LDAH: variants seen among roughly 807,000 people sequenced by gnomAD.
The protein encoded by LDAH is lipid droplet associated hydrolase.
Under a neutral mutation model 29.6 loss-of-function variants are expected in LDAH, and 26 were observed. The observed-to-expected ratio is 0.88, with a 90% confidence interval of 0.64 to 1.22. The LOEUF is 1.22. Ranked by LOEUF, LDAH falls within the 50% of genes most tolerant of loss-of-function variation. LDAH has a pLI of 0.00. For missense variants in LDAH, 344 were observed against 387.3 expected (o/e 0.89, Z 0.94); for synonymous variants, 117 against 133.0 (o/e 0.88, Z 0.83).
At chr2:20,791,973 T>A (rs928592786) in intron 2 of LDAH, among the ~76,000 whole-genome samples, 1 of 152,202 alleles carries the variant, frequency 6.6e-6, no homozygotes, top group Non-Finnish European at 1.5e-5. Context: ...AGGACCATAC[T>A]GTCTTAATTA....
At chr2:20,708,503 T>G (rs1187168797) in intron 5 of LDAH, among the ~76,000 whole-genome samples, 1 of 152,210 alleles carries the variant, frequency 6.6e-6, no homozygotes, top group African/African-American at 2.4e-5. Context: ...TTATCATGCA[T>G]GCAATGCAAG....
intron 6 of LDAH, among the ~76,000 whole-genome samples, chr2:20,692,833 A>G (rs963573473): frequency 1.3e-5 from 2 of 152,188 alleles, no homozygotes; most frequent in East Asian, 3.8e-4. Context: ...GCAGGGTGGT[A>G]AACGGCATTT....
chr2:20,717,809 C>G (rs1446990932), intron 5 of LDAH, among the ~76,000 whole-genome samples: 2 of 151,978 alleles, frequency 1.3e-5, no homozygotes, highest in African/African-American at 4.8e-5. Context: ...GTGTTTGAGA[C>G]AAGGTCTCAC....
At chr2:20,714,505 A>G (rs1352386924) in intron 5 of LDAH, among the ~76,000 whole-genome samples, 1 of 152,260 alleles carries the variant, frequency 6.6e-6, no homozygotes, top group Non-Finnish European at 1.5e-5. Context: ...TTCGACAGCT[A>G]GCAGAAGGCA....
chr2:20,747,739 C>A (rs1291110559), intron 4 of LDAH, among the ~76,000 whole-genome samples: 1 of 152,174 alleles, frequency 6.6e-6, no homozygotes, highest in African/African-American at 2.4e-5. Context: ...ATATGCCTCG[C>A]AGGGAAGTAC....
At chr2:20,819,570 T>A (rs1012377066) in intron 1 of LDAH, among the ~76,000 whole-genome samples, 9 of 152,108 alleles carry the variant, frequency 5.9e-5, no homozygotes, top group African/African-American at 2.2e-4. Flanking sequence ...ATTCAACAGC[T>A]CTTCATGCTA....
At chr2:20,769,327 C>T (rs1175366684) in intron 4 of LDAH, among the ~76,000 whole-genome samples, 2 of 152,170 alleles carry the variant, frequency 1.3e-5, no homozygotes, top group African/African-American at 4.8e-5. Context: ...ATTTTGCCTT[C>T]CGTGTCTTGT....
chr2:20,752,975 GACAACA>G lies in LDAH; in HGVS notation c.469-12776_469-12771del, dbSNP rs3047722. ...CTGTATTCTTTGGAGAGAAAACAACGACAACAACAACAACAACAACAACAGCAACAA... is the reference window on the plus strand; with the variant it reads ...CTGTATTCTTTGGAGAGAAAACAACGACAACAACAACAACAACAGCAACAA... On this transcript the variant is annotated intron_variant, in intron 4 of 6. Coordinates refer to ENST00000237822, the MANE Select transcript of LDAH (RefSeq NM_021925.4). 7.9e-5 allele frequency among the ~76,000 whole-genome samples: 12 copies of G among 151,534 alleles called. No homozygotes were observed. The South Asian group carries it at 8.4e-4, about 11-fold the overall frequency.
chr2:20,703,111 C>A (rs1257365010), intron 5 of LDAH, among the ~76,000 whole-genome samples: 1 of 152,242 alleles, frequency 6.6e-6, no homozygotes, highest in Non-Finnish European at 1.5e-5. Context: ...CAGGCATGAG[C>A]CACCGCACCC....
chr2:20,697,170 G>A (rs1558385548), intron 6 of LDAH, among the ~76,000 whole-genome samples: 1 of 152,224 alleles, frequency 6.6e-6, no homozygotes, highest in Non-Finnish European at 1.5e-5. Flanking sequence ...TGAACCACTT[G>A]TTCAGCCATC....
intron 4 of LDAH, among the ~76,000 whole-genome samples, chr2:20,742,243 C>A (rs577875014): frequency 3.3e-5 from 5 of 152,142 alleles, no homozygotes; most frequent in Admixed American, 6.5e-5. Flanking sequence ...GAATGTTCCA[C>A]GTGATCTTGA....
At chr2:20,736,511 T>C (rs536571898) in intron 5 of LDAH, among the ~76,000 whole-genome samples, 5 of 152,160 alleles carry the variant, frequency 3.3e-5, no homozygotes, top group South Asian at 2.1e-4. Flanking sequence ...GCAAAATGAC[T>C]GTAGGGGACC....
intron 6 of LDAH, among the ~76,000 whole-genome samples, chr2:20,692,334 T>C (rs1299705718): frequency 6.6e-6 from 1 of 152,240 alleles, no homozygotes; most frequent in Admixed American, 6.5e-5. Flanking sequence ...TGTTTTAGTA[T>C]ACATTTGGAG....
chr2:20,725,063 T>C (rs1313302675), intron 5 of LDAH, among the ~76,000 whole-genome samples: 1 of 152,216 alleles, frequency 6.6e-6, no homozygotes, highest in African/African-American at 2.4e-5. Context: ...GTGACTGAGA[T>C]ACTACTTCTA....
intron 5 of LDAH, among the ~76,000 whole-genome samples, chr2:20,724,698 A>G (rs1325326264): frequency 6.6e-6 from 1 of 152,148 alleles, no homozygotes; most frequent in African/African-American, 2.4e-5. Context: ...TAGGCCACAT[A>G]CACACTAGTT....
chr2:20,820,633 TA>T (rs1432106543), intron 1 of LDAH, among the ~76,000 whole-genome samples: 1 of 149,992 alleles, frequency 6.7e-6, no homozygotes, highest in Non-Finnish European at 1.5e-5. Flanking sequence ...ATTAAAGACT[TA>T]AATGTTAGAC....
Position 20,805,992 on chromosome 2 carries a change from C to CT in LDAH, c.-2-4528dup, listed in dbSNP as rs560290451. Reference sequence around the variant, plus strand: ...GAAAGTGGAGTTATAAATAATACATCTTAATCAGCTTCAGCAAACAGTAAA... The same window carrying CT: ...GAAAGTGGAGTTATAAATAATACATCTTTAATCAGCTTCAGCAAACAGTAAA... On this transcript the variant is annotated intron_variant, in intron 1 of 6. Coordinates refer to ENST00000237822, the MANE Select transcript of LDAH (RefSeq NM_021925.4). Among the ~76,000 whole-genome samples, 58 of 152,092 alleles carry CT rather than the reference C, an allele frequency of 3.8e-4. No homozygotes were observed. In the Middle Eastern group the frequency reaches 0.01, roughly 27 times the overall value.
chr2:20,778,621 C>T (rs1669973483), intron 3 of LDAH, among the ~76,000 whole-genome samples: 1 of 152,040 alleles, frequency 6.6e-6, no homozygotes, highest in Non-Finnish European at 1.5e-5. Flanking sequence ...ACTACCTTTG[C>T]CTTTCAGGAG....
intron 3 of LDAH, among the ~76,000 whole-genome samples, chr2:20,778,081 T>C (rs986918333): frequency 4.6e-5 from 7 of 152,098 alleles, no homozygotes; most frequent in African/African-American, 4.8e-5. Flanking sequence ...TACCAATAAA[T>C]TGTGGGGGAA....
Sources: allele counts gnomAD v4.1 joint callset (sites outside exome capture counted in the v4.1 genomes callset), GRCh38; gene constraint gnomAD v4.1.1; transcripts MANE v1.5; gene names NCBI Gene and HGNC (gene_info 2026-07-23, HGNC 2026-07-21).